Variants in STOX1 observed in about 807,000 individuals in gnomAD.
STOX1 encodes the protein storkhead-box protein 1.
STOX1 carries 57 observed loss-of-function variants against 74.8 expected under a neutral mutation model. That is an observed-to-expected ratio of 0.76 (90% confidence interval 0.62 to 0.95). STOX1 has a LOEUF of 0.95. Among genes scored for constraint, STOX1 ranks in the 40% least tolerant of loss-of-function variants. The pLI, the probability that STOX1 is intolerant of heterozygous loss-of-function variation, is 0.00. For missense variants in STOX1, 1,010 were observed against 1,117.0 expected (o/e 0.90, Z 1.37); for synonymous variants, 375 against 401.3 (o/e 0.93, Z 0.78).
At chr10:68,874,660 CAAAAAAA>C (rs545162403) in intron 1 of STOX1, among the ~76,000 whole-genome samples, 2 of 128,664 alleles carry the variant, frequency 1.6e-5, no homozygotes, top group Non-Finnish European at 1.7e-5. Flanking sequence ...GACTCCGTCT[CAAAAAAA>C]AAAAAAAAAA....
intron 1 of STOX1, among the ~76,000 whole-genome samples, chr10:68,859,162 T>C (rs1279110808): frequency 1.3e-5 from 2 of 152,132 alleles, no homozygotes; most frequent in Non-Finnish European, 2.9e-5. Flanking sequence ...GAGCTAATCC[T>C]GTATTGATGT....
chr10:68,875,163 C>T (rs73266478), intron 1 of STOX1, among the ~76,000 whole-genome samples: 1,676 of 152,348 alleles, frequency 0.011, 35 homozygotes, highest in African/African-American at 0.037. Flanking sequence ...GGGCGCAGGT[C>T]TTGTCAAGGT....
At chr10:68,865,493 C>CA (rs1223253244) in intron 1 of STOX1, among the ~76,000 whole-genome samples, 2 of 152,068 alleles carry the variant, frequency 1.3e-5, no homozygotes, top group Non-Finnish European at 2.9e-5. Flanking sequence ...ACTAAAAATA[C>CA]AAAAAATTAG....
At chr10:68,833,080 GTTTTT>G (rs1185911507) in intron 1 of STOX1, among the ~76,000 whole-genome samples, 1 of 104,620 alleles carries the variant, frequency 9.6e-6, no homozygotes, top group Non-Finnish European at 1.8e-5. Context: ...ACTTCTGTGG[GTTTTT>G]TTTTTTTTTT....
chr10:68,846,796 A>G (rs1232130110), intron 1 of STOX1: 1 of 152,140 alleles, frequency 6.6e-6, no homozygotes, highest in Non-Finnish European at 1.5e-5. Flanking sequence ...TTTTATTAGG[A>G]TTGTGTTAGT....
intron 3 of STOX1, among the ~76,000 whole-genome samples, chr10:68,889,297 A>G (rs990395407): frequency 1.1e-4 from 16 of 152,048 alleles, no homozygotes; most frequent in African/African-American, 3.4e-4. Flanking sequence ...AGTTTTTTTG[A>G]TCACTTCTCG....
At chr10:68,867,553 T>C (rs1170386070) in intron 1 of STOX1, among the ~76,000 whole-genome samples, 1 of 152,220 alleles carries the variant, frequency 6.6e-6, no homozygotes, top group East Asian at 1.9e-4. Context: ...CAGGCCATTA[T>C]CTTCAAGGTA....
intron 1 of STOX1, among the ~76,000 whole-genome samples, chr10:68,867,855 A>T (rs765587385): frequency 1.5e-4 from 23 of 152,256 alleles, no homozygotes; most frequent in Admixed American, 5.2e-4. Context: ...ACCAGGGACA[A>T]TATTTCTCTA....
intron 1 of STOX1, among the ~76,000 whole-genome samples, chr10:68,850,122 C>G (rs912358674): frequency 5.9e-5 from 9 of 152,144 alleles, no homozygotes; most frequent in Admixed American, 6.6e-5. Context: ...TCAAGTGATT[C>G]TCTTGCCTCT....
At chr10:68,835,595 G>A (rs888264767) in intron 1 of STOX1, among the ~76,000 whole-genome samples, 3 of 149,900 alleles carry the variant, frequency 2.0e-5, no homozygotes, top group Non-Finnish European at 4.4e-5. Flanking sequence ...AGGTATGAAC[G>A]TCTTCCTGCC....
chr10:68,885,298 C>T lies in STOX1; in HGVS notation c.1502C>T (p.Ser501Phe). 6.2e-7 allele frequency: 1 copy of T among 1,614,210 alleles called. No homozygotes were observed. The highest frequency in any genetic ancestry group is 1.7e-5 in the Admixed American group (1 of 60,024). Residue 501 changes from serine (S) to phenylalanine (F), a missense_variant, in exon 3 of 4, where the codon TCT (serine) becomes TTT (phenylalanine). By Grantham distance (155) the Ser-to-Phe change is radical (BLOSUM62 -2). Transcript: ENST00000298596. ...KRISNPFQGL[S>F]HRGSTISKGH... ...ATCAGTAATCCTTTCCAGGGTTTGT[C>T]TCACCGAGGAAGCACAATATCCAAA...
At chr10:68,868,475 C>T (rs1840461895) in intron 1 of STOX1, among the ~76,000 whole-genome samples, 1 of 152,174 alleles carries the variant, frequency 6.6e-6, no homozygotes, top group Non-Finnish European at 1.5e-5. Context: ...TGTTCCTTGC[C>T]CTCATTCTGG....
chr10:68,844,294 C>CTTTTTTTT (rs777175392), intron 1 of STOX1, among the ~76,000 whole-genome samples: 2 of 104,708 alleles, frequency 1.9e-5, no homozygotes, highest in African/African-American at 3.7e-5. Flanking sequence ...TCTGGATCTT[C>CTTTTTTTT]TTTTTTTTTT....
downstream of STOX1, among the ~76,000 whole-genome samples, chr10:68,893,435 T>G (rs1474264214): frequency 6.6e-6 from 1 of 152,188 alleles, no homozygotes; most frequent in Non-Finnish European, 1.5e-5. Flanking sequence ...AGGCCTTCTT[T>G]GAGATGGAGT....
At chr10:68,843,613 T>C (rs979573327) in intron 1 of STOX1, among the ~76,000 whole-genome samples, 5 of 152,066 alleles carry the variant, frequency 3.3e-5, no homozygotes, top group Non-Finnish European at 5.9e-5. Context: ...CGACCTCGGC[T>C]CACTGCAACC....
intron 1 of STOX1, among the ~76,000 whole-genome samples, chr10:68,835,724 C>T (rs977654837): frequency 6.6e-6 from 1 of 152,186 alleles, no homozygotes; most frequent in South Asian, 2.1e-4. Flanking sequence ...GATATCCTTC[C>T]GCTTATGCGC....
chr10:68,844,294 C>CTTTTTTTTTTTTTTTTTTTTTTTTTTTT (rs777175392), intron 1 of STOX1, among the ~76,000 whole-genome samples: 1 of 104,706 alleles, frequency 9.6e-6, no homozygotes, highest in Non-Finnish European at 1.8e-5. Flanking sequence ...TCTGGATCTT[C>CTTTTTTTTTTTTTTTTTTTTTTTTTTTT]TTTTTTTTTT....
rs1197279845 is a variant in STOX1 at position 68,885,841 on chromosome 10, G to T, written c.2045G>T (p.Arg682Ile). The T allele has an allele frequency of 6.2e-7, 1 of 1,613,874 alleles. No individual in the cohort carries two copies. Among genetic ancestry groups the T allele is most frequent in the African/African-American group, 1.3e-5 (1 of 74,892 alleles). Reference protein sequence around the residue: ...LDYPVGVNPLRQAARQDKDSE... With the variant: ...LDYPVGVNPLIQAARQDKDSE... ...TACCCAGTTGGCGTGAACCCTTTAA[G>T]ACAAGCTGCAAGACAAGACAAAGAC... The change falls in exon 3 of 4, where the codon AGA becomes ATA. Residue 682 changes from arginine (R) to isoleucine (I), a missense_variant. By Grantham distance (97) the Arg-to-Ile change is moderately conservative. Coordinates refer to ENST00000298596, the MANE Select transcript of STOX1 (RefSeq NM_152709.5).
intron 1 of STOX1, among the ~76,000 whole-genome samples, chr10:68,864,145 C>T (rs1037095576): frequency 3.3e-5 from 5 of 151,980 alleles, no homozygotes; most frequent in East Asian, 1.9e-4. Context: ...AGGATGATCT[C>T]GATCTCCTGA....
Sources: gnomAD v4.1 joint callset for allele counts (sites outside exome capture counted in the v4.1 genomes callset) on GRCh38, gnomAD v4.1.1 for gene constraint, MANE v1.5 for transcripts, NCBI Gene and HGNC (gene_info 2026-07-23, HGNC 2026-07-21) for gene names.